The following TP53BP1 variants were observed in gnomAD, a reference collection of about 807,000 sequenced individuals.
The protein encoded by TP53BP1 is TP53-binding protein 1.
Under a neutral mutation model 200.8 loss-of-function variants are expected in TP53BP1, and 61 were observed. The ratio of observed to expected loss-of-function variants is 0.30; its 90% CI spans 0.25 to 0.38. TP53BP1 has a LOEUF of 0.38. Ranked by LOEUF, TP53BP1 falls within the 10% of genes least tolerant of loss-of-function variation. TP53BP1 has a pLI of 1.00. For synonymous variants in TP53BP1, 822 were observed against 844.3 expected (o/e 0.97, Z 0.46); for missense variants, 2,144 against 2,371.9 (o/e 0.90, Z 2.00).
intron 11 of TP53BP1, among the ~76,000 whole-genome samples, chr15:43,468,974 A>C (rs1471165683): frequency 2.0e-5 from 3 of 152,200 alleles, no homozygotes; most frequent in African/African-American, 7.2e-5. Flanking sequence ...TCCTCACTAA[A>C]TTTACAGTTC....
At chr15:43,449,118 C>A (rs1022924576) in intron 12 of TP53BP1, among the ~76,000 whole-genome samples, 2 of 152,040 alleles carry the variant, frequency 1.3e-5, no homozygotes, top group Non-Finnish European at 2.9e-5. Flanking sequence ...CAGAGCGAGA[C>A]CGTGCCTCAA....
intron 11 of TP53BP1, among the ~76,000 whole-genome samples, chr15:43,460,526 T>C (rs2046404794): frequency 6.6e-6 from 1 of 152,282 alleles, no homozygotes; most frequent in South Asian, 2.1e-4. Flanking sequence ...CCCAAACTGC[T>C]AGGATTACAG....
At chr15:43,481,612 C>T (rs578200955) in intron 4 of TP53BP1, among the ~76,000 whole-genome samples, 6 of 151,300 alleles carry the variant, frequency 4.0e-5, no homozygotes, top group Non-Finnish European at 8.8e-5. Context: ...GTCAAGAGAT[C>T]GAGACCATCC....
At chr15:43,407,757 T>C in intron 27 of TP53BP1, 186 bp downstream of exon 27, 1 of 783,474 alleles carries the variant, frequency 1.3e-6, no homozygotes, top group Non-Finnish European at 2.0e-6. Flanking sequence ...CTTGTAGAAA[T>C]ATTTAACAAA....
At chr15:43,451,966 C>T (rs943992406) in intron 12 of TP53BP1, among the ~76,000 whole-genome samples, 5 of 152,128 alleles carry the variant, frequency 3.3e-5, no homozygotes, top group Admixed American at 6.5e-5. Flanking sequence ...AAAACCCTGT[C>T]TCTACTAAAA....
At chr15:43,435,973 G>A (rs1455686323) in intron 16 of TP53BP1, among the ~76,000 whole-genome samples, 2 of 151,898 alleles carry the variant, frequency 1.3e-5, no homozygotes, top group Non-Finnish European at 2.9e-5. Context: ...TGGGATTACA[G>A]GTGTGAGCCA....
At position 43,492,398 on chromosome 15, in the gene TP53BP1, T is replaced by C. The variant is rs765172450; in HGVS notation, c.78A>G (p.Ile26Met). ...DFSQQDTPCLIIEDSQPESQV... is the reference protein window; with the variant it reads ...DFSQQDTPCLMIEDSQPESQV... ...GGCTTTCAGGCTGAGAATCTTCAAT[T>C]ATCAGGCAAGGAGTATCTTGCTGAG... Residue 26 changes from isoleucine to methionine, a missense_variant, in exon 2 of 28, where the codon ATA becomes ATG. Physicochemically the swap from Ile to Met is conservative, Grantham distance 10 (BLOSUM62 1). This residue lies in a region of TP53BP1 where 1,700 missense variants were observed against 1,710.3 expected (regional missense o/e 0.99). Transcript: ENST00000382044. 8 of 1,614,028 alleles carry C rather than the reference T, an allele frequency of 5.0e-6. No homozygotes were observed. The highest frequency in any genetic ancestry group is 6.8e-6 in the Non-Finnish European group (8 of 1,179,974).
intron 25 of TP53BP1, 114 bp downstream of exon 25, chr15:43,409,533 G>A: frequency 3.6e-6 from 2 of 553,282 alleles, no homozygotes; most frequent in Non-Finnish European, 6.2e-6. Context: ...CTCAGTTCCT[G>A]AAATCTCTGG....
In TP53BP1 at chr15:43,404,352, T is replaced by A. The variant is rs1409235632; in HGVS notation, c.*3031A>T. ...CAAGAAACTCCTCCCTCCGCCCCCA[T>A]CCTCCATATGGAGAGTTGGTGAGCT... On this transcript the variant is annotated 3_prime_UTR_variant, in exon 28 of 28. Transcript: ENST00000382044. 6.3e-7 allele frequency: 1 copy of A among 1,595,438 alleles called. No individual in the cohort carries two copies.
upstream of TP53BP1, among the ~76,000 whole-genome samples, chr15:43,493,620 A>T (rs971430623): frequency 5.9e-5 from 9 of 152,250 alleles, no homozygotes; most frequent in Admixed American, 4.6e-4. Context: ...TCTTTGACAC[A>T]GGGTTAACCT....
intron 10 of TP53BP1, among the ~76,000 whole-genome samples, chr15:43,473,984 G>A (rs2046789377): frequency 6.6e-6 from 1 of 152,226 alleles, no homozygotes; most frequent in African/African-American, 2.4e-5. Flanking sequence ...GGAAGGCTCA[G>A]GCATGGCGGG....
At chr15:43,506,528 C>G (rs2079237845) in intron 1 of TP53BP1, among the ~76,000 whole-genome samples, 2 of 152,218 alleles carry the variant, frequency 1.3e-5, no homozygotes, top group South Asian at 4.1e-4. Context: ...TTCTAACCTC[C>G]TCTTTCAGTG....
chr15:43,464,182 G>C (rs145318638), intron 11 of TP53BP1, among the ~76,000 whole-genome samples: 43 of 152,240 alleles, frequency 2.8e-4, no homozygotes, highest in African/African-American at 1.0e-3. Context: ...AAGATTACCA[G>C]ACATCTGAGG....
chr15:43,405,254 C>T lies in TP53BP1; in HGVS notation c.*2129G>A. On this transcript the variant is annotated 3_prime_UTR_variant, in exon 28 of 28. Transcript: ENST00000382044. ...TAAATTGAAATAACAGCCACGTTCC[C>T]AAGGTTGTAACAGAAGATTCAAAAC... 5 of 1,611,296 alleles carry T rather than the reference C, an allele frequency of 3.1e-6. No individual in the cohort carries two copies. Among genetic ancestry groups the T allele is most frequent in the Non-Finnish European group, 4.2e-6 (5 of 1,177,518 alleles).
rs201000696 is a variant in TP53BP1, at chr15:43,403,830, C to G, written c.*3553G>C. 347 of 1,545,068 alleles carry G rather than the reference C, an allele frequency of 2.2e-4. 2 individuals are homozygous for G. The South Asian group carries it at 3.6e-3, about 16-fold the overall frequency. On this transcript the variant is annotated 3_prime_UTR_variant, in exon 28 of 28. Transcript: ENST00000382044. ...TCTGCCTGGAAGTATGCAGCCTTGC[C>G]GAAAGGACAGAGGTGGTTTTGCCAA...
Position 43,405,048 on chromosome 15 carries a change from A to AT in TP53BP1, c.*2334dup, listed in dbSNP as rs2044820574. On this transcript the variant is annotated 3_prime_UTR_variant, in exon 28 of 28. Transcript: ENST00000382044. ...TTCTCTCTAAAATGTCTGCAAGCAGATTTTTTTCTAAGCTATTGTAGCAGA... is the reference window on the plus strand; with the variant it reads ...TTCTCTCTAAAATGTCTGCAAGCAGATTTTTTTTCTAAGCTATTGTAGCAGA... 2.5e-6 allele frequency: 2 copies of AT among 809,646 alleles called. No homozygotes were observed. Among genetic ancestry groups the AT allele is most frequent in the Non-Finnish European group, 3.9e-6 (2 of 513,762 alleles). The allele number at this position is 809,646 out of a possible 1,614,324, so 50.2% of individuals were successfully genotyped here. A position where few individuals can be genotyped will look rare whatever the true frequency, so the allele number is the denominator to read the frequency against.
At position 43,456,185 on chromosome 15, in the gene TP53BP1, T is replaced by C. The variant is rs2046291391; in HGVS notation, c.2423A>G (p.Asp808Gly). The C allele has an allele frequency of 6.2e-7, 1 of 1,614,192 alleles. No individual in the cohort carries two copies. The highest frequency in any genetic ancestry group is 1.1e-5 in the South Asian group (1 of 91,082). Residue 808 changes from aspartate (D) to glycine (G), a missense_variant, in exon 12 of 28, where the codon GAC becomes GGC. Asp to Gly is a moderately conservative substitution (Grantham distance 94). Around this residue, in one of 4 missense-constraint regions of TP53BP1, gnomAD observed 1,700 missense variants for 1,710.3 expected, o/e 0.99. Transcript: ENST00000382044. The part of the protein sequence containing the change: ...EIEPCAENRL[D>G]TKEEKSVEYE... ...TTCTACACTCTTTTCTTCCTTGGTG[T>C]CTAATCTATTCTCAGCACATGGTTC...
rs2044736772 is a variant in TP53BP1 at position 43,403,342 on chromosome 15, A to G, written c.*4041T>C. 1 of 188,674 alleles carries G rather than the reference A, an allele frequency of 5.3e-6. No individual in the cohort carries two copies. The highest frequency in any genetic ancestry group is 1.1e-5 in the Non-Finnish European group (1 of 91,342). The allele number at this position is 188,674 out of a possible 1,614,324, so 11.7% of individuals were successfully genotyped here. A position where few individuals can be genotyped will look rare whatever the true frequency, so the allele number is the denominator to read the frequency against. Reference sequence around the variant, plus strand: ...AGAGAGTGGGACTTGAACTGGTATTAAAAACAAGAGCATCCCGGGCAAAGG... The same window carrying G: ...AGAGAGTGGGACTTGAACTGGTATTGAAAACAAGAGCATCCCGGGCAAAGG... On this transcript the variant is annotated 3_prime_UTR_variant, in exon 28 of 28. Coordinates refer to ENST00000382044, the MANE Select transcript of TP53BP1 (RefSeq NM_001141980.3).
intron 1 of TP53BP1, among the ~76,000 whole-genome samples, chr15:43,509,749 C>G (rs919669319): frequency 5.9e-5 from 9 of 152,122 alleles, no homozygotes; most frequent in Non-Finnish European, 1.3e-4. Context: ...CCAATCAGAA[C>G]GTGGCTCACA....
Sources: allele counts gnomAD v4.1 joint callset (sites outside exome capture counted in the v4.1 genomes callset), GRCh38; gene constraint gnomAD v4.1.1; regional missense constraint gnomAD v4.1.1; transcripts MANE v1.5; gene names NCBI Gene and HGNC (gene_info 2026-07-23, HGNC 2026-07-21).